Variants in AOPEP observed in about 807,000 individuals in gnomAD.
AOPEP encodes the protein aminopeptidase O (putative), also known as aminopeptidase O.
In AOPEP, 77 loss-of-function variants were observed where a neutral mutation model predicts 98.1. The observed-to-expected ratio is 0.78, with a 90% CI of 0.65 to 0.95. AOPEP has a LOEUF of 0.95. Ranked by LOEUF, AOPEP falls within the 40% of genes least tolerant of loss-of-function variation. The pLI is 0.00. For missense variants in AOPEP, 1,024 were observed against 1,024.7 expected (o/e 1.00, Z 0.01); for synonymous variants, 346 against 365.3 (o/e 0.95, Z 0.60).
At position 95,005,162 on chromosome 9, in the gene AOPEP, T is replaced by C; in HGVS notation, c.1982T>C (p.Leu661Pro). ...CTGTGTCCTCTTCCCCCGCAGCCGCTGCAGAGGGAGCGTCGCGCCGGGGCG... is the reference window on the plus strand; with the variant it reads ...CTGTGTCCTCTTCCCCCGCAGCCGCCGCAGAGGGAGCGTCGCGCCGGGGCG... ...WLESSGIPKPLQRERRAGAEC... is the reference protein window; with the variant it reads ...WLESSGIPKPPQRERRAGAEC... The change falls in exon 12 of 17, where the codon CTG becomes CCG. Residue 661 changes from leucine to proline, a missense_variant. Transcript: ENST00000375315. 2 of 1,152,556 alleles carry C rather than the reference T, an allele frequency of 1.7e-6. No individual in the cohort carries two copies. The highest frequency in any genetic ancestry group is 2.1e-6 in the Non-Finnish European group (2 of 933,378). 71.4% of individuals were successfully genotyped at this position (1,152,556 alleles called of 1,614,324 possible).
chr9:94,909,708 C>G (rs990680772), intron 5 of AOPEP, among the ~76,000 whole-genome samples: 1 of 152,182 alleles, frequency 6.6e-6, no homozygotes, highest in Non-Finnish European at 1.5e-5. Context: ...GCCCTAGATC[C>G]CCACAAGCCT....
the AOPEP span, chr9:95,123,409 G>A: frequency 2.2e-6 from 1 of 453,240 alleles, no homozygotes; most frequent in Non-Finnish European, 4.4e-6. Flanking sequence ...GGAGGCCAAG[G>A]TGGGAAGATT....
chr9:94,899,995 C>G (rs2050169175), intron 5 of AOPEP, among the ~76,000 whole-genome samples: 1 of 152,116 alleles, frequency 6.6e-6, no homozygotes, highest in Admixed American at 6.5e-5. Context: ...TTTTGAAATA[C>G]TGAACTATGA....
At chr9:94,899,630 G>A (rs561088015) in intron 5 of AOPEP, among the ~76,000 whole-genome samples, 2 of 151,742 alleles carry the variant, frequency 1.3e-5, no homozygotes, top group Admixed American at 1.3e-4. Flanking sequence ...TGCACCTGTA[G>A]TCCCAGCTAC....
chr9:95,008,392 A>C (rs1489736041), intron 13 of AOPEP, among the ~76,000 whole-genome samples: 1 of 152,162 alleles, frequency 6.6e-6, no homozygotes, highest in Non-Finnish European at 1.5e-5. Flanking sequence ...GGAAAGGAAA[A>C]CAGTGCTCTA....
intron 13 of AOPEP, among the ~76,000 whole-genome samples, chr9:95,051,919 G>C (rs926853517): frequency 2.0e-5 from 3 of 152,066 alleles, no homozygotes; most frequent in African/African-American, 7.2e-5. Flanking sequence ...TAGCCAGGAT[G>C]GTCTTGATCT....
At chr9:95,101,699 C>T in the AOPEP span, 13 of 1,613,492 alleles carry the variant, frequency 8.1e-6, no homozygotes, top group Admixed American at 1.3e-4. Context: ...ACACGGCCTG[C>T]GTGCCTTCTA....
chr9:94,903,294 T>C (rs1265972756), intron 5 of AOPEP, among the ~76,000 whole-genome samples: 1 of 151,946 alleles, frequency 6.6e-6, no homozygotes, highest in Non-Finnish European at 1.5e-5. Flanking sequence ...TAAAACCTTT[T>C]CTTGATAGCC....
chr9:94,805,075 A>C (rs1588301862), intron 5 of AOPEP, among the ~76,000 whole-genome samples: 1 of 152,244 alleles, frequency 6.6e-6, no homozygotes, highest in East Asian at 1.9e-4. Flanking sequence ...GTTCTTAGTG[A>C]GCTTGGGTGC....
chr9:94,759,575 G>T, intron 1 of AOPEP, 74 bp from the exon 2 acceptor site: 1 of 541,056 alleles, frequency 1.8e-6, no homozygotes, highest in Non-Finnish European at 3.2e-6. Context: ...TGGTCAACTT[G>T]CAGGAGCAGC....
chr9:94,742,368 G>A (rs55795862), intron 1 of AOPEP, among the ~76,000 whole-genome samples: 33,083 of 151,930 alleles, frequency 0.22, 5,077 homozygotes, highest in African/African-American at 0.43. Flanking sequence ...CTACCCACAG[G>A]CAGTAATTGG....
At chr9:94,814,375 G>T (rs1275486759) in intron 5 of AOPEP, among the ~76,000 whole-genome samples, 1 of 152,200 alleles carries the variant, frequency 6.6e-6, no homozygotes, top group African/African-American at 2.4e-5. Flanking sequence ...TGTACCCCAG[G>T]TATTTAATTT....
intron 5 of AOPEP, among the ~76,000 whole-genome samples, chr9:94,856,641 T>TAAAA (rs35234682): frequency 1.6e-5 from 2 of 128,596 alleles, no homozygotes; most frequent in Non-Finnish European, 1.6e-5. Flanking sequence ...AACTCCGTCT[T>TAAAA]AAAAAAAAAA....
At chr9:94,881,944 A>G (rs1195032492) in intron 5 of AOPEP, among the ~76,000 whole-genome samples, 5 of 152,182 alleles carry the variant, frequency 3.3e-5, no homozygotes, top group Non-Finnish European at 5.9e-5. Context: ...CTCATTTTCA[A>G]GCTTCCACAG....
chr9:94,976,714 T>C (rs2059868370), intron 10 of AOPEP, among the ~76,000 whole-genome samples: 1 of 151,802 alleles, frequency 6.6e-6, no homozygotes, highest in African/African-American at 2.4e-5. Flanking sequence ...GTCCCCAGGC[T>C]GGAGTGTAGT....
chr9:94,963,399 T>C (rs1023299901), intron 9 of AOPEP, among the ~76,000 whole-genome samples: 2 of 152,178 alleles, frequency 1.3e-5, no homozygotes, highest in Non-Finnish European at 2.9e-5. Flanking sequence ...GTGTTTAATT[T>C]AGTGTTGTTA....
the AOPEP span, among the ~76,000 whole-genome samples, chr9:95,130,033 C>T: frequency 6.6e-6 from 1 of 152,138 alleles, no homozygotes; most frequent in Non-Finnish European, 1.5e-5. Context: ...ATGGAATCAA[C>T]ACACAATAAC....
At chr9:94,744,543 A>G (rs926710976) in intron 1 of AOPEP, among the ~76,000 whole-genome samples, 7 of 151,856 alleles carry the variant, frequency 4.6e-5, no homozygotes, top group Non-Finnish European at 1.5e-5. Flanking sequence ...TCTAGTAAAA[A>G]TACAAAAATT....
chr9:95,027,443 T>C (rs187645238), intron 13 of AOPEP, among the ~76,000 whole-genome samples: 2 of 152,348 alleles, frequency 1.3e-5, no homozygotes, highest in African/African-American at 4.8e-5. Flanking sequence ...GATGTGTGTA[T>C]GTGATATTGT....
Sources: gnomAD v4.1 joint callset for allele counts (sites outside exome capture counted in the v4.1 genomes callset) on GRCh38, gnomAD v4.1.1 for gene constraint, MANE v1.5 for transcripts, NCBI Gene and HGNC (gene_info 2026-07-23, HGNC 2026-07-21) for gene names.